PLCB1: variants seen among roughly 807,000 people sequenced by gnomAD.
PLCB1 encodes the protein phospholipase C beta 1.
PLCB1 carries 46 observed loss-of-function variants against 161.8 expected under a neutral mutation model. The ratio of observed to expected loss-of-function variants is 0.28; its 90% confidence interval spans 0.22 to 0.36. The LOEUF (loss-of-function observed/expected upper bound fraction) is 0.36. PLCB1 is among the 10% of genes least tolerant of loss of function. The pLI is 1.00. For synonymous variants in PLCB1, 517 were observed against 503.7 expected (o/e 1.03, Z -0.35); for missense variants, 1,016 against 1,472.5 (o/e 0.69, Z 5.07).
intron 3 of PLCB1, among the ~76,000 whole-genome samples, chr20:8,586,237 C>T (rs1268750388): frequency 6.6e-6 from 1 of 152,124 alleles, no homozygotes; most frequent in African/African-American, 2.4e-5. Flanking sequence ...TTTTATTTTC[C>T]CTGCTTAGAG....
chr20:8,604,551 A>G (rs1367109585), intron 3 of PLCB1, among the ~76,000 whole-genome samples: 1 of 152,160 alleles, frequency 6.6e-6, no homozygotes, highest in East Asian at 1.9e-4. Context: ...TTTCATGGAA[A>G]GTTTCTCATT....
intron 2 of PLCB1, among the ~76,000 whole-genome samples, chr20:8,332,137 A>G (rs1985388378): frequency 6.6e-6 from 1 of 152,198 alleles, no homozygotes; most frequent in Non-Finnish European, 1.5e-5. Context: ...CCCATCTTTC[A>G]TAATGCCTTG....
At chr20:8,449,308 G>A (rs1242385298) in intron 3 of PLCB1, among the ~76,000 whole-genome samples, 3 of 152,102 alleles carry the variant, frequency 2.0e-5, no homozygotes, top group Non-Finnish European at 2.9e-5. Flanking sequence ...AACACTCTTG[G>A]CTACCATAGC....
intron 2 of PLCB1, among the ~76,000 whole-genome samples, chr20:8,224,853 C>T (rs1367218840): frequency 1.3e-5 from 2 of 152,060 alleles, no homozygotes; most frequent in Non-Finnish European, 2.9e-5. Context: ...AGATGAGTTT[C>T]GTCTGGTTTT....
chr20:8,441,805 T>A lies in PLCB1; in HGVS notation c.246+70355T>A, dbSNP rs1980572482. On this transcript the variant is annotated intron_variant, in intron 3 of 31. Coordinates refer to ENST00000338037, the MANE Select transcript of PLCB1 (RefSeq NM_015192.4). ...AAGGATGATCATGAAACTCTTTATATCTGAAAAAAATTTTAAATCCTTTTA... is the reference window on the plus strand; with the variant it reads ...AAGGATGATCATGAAACTCTTTATAACTGAAAAAAATTTTAAATCCTTTTA... Among the ~76,000 whole-genome samples, 4 of 152,130 alleles carry A rather than the reference T, an allele frequency of 2.6e-5. 1 individual carries two copies. In the South Asian group the frequency reaches 6.2e-4, roughly 24 times the overall value.
chr20:8,475,014 CACACACACACACACACACAG>C (rs1982212267), intron 3 of PLCB1, among the ~76,000 whole-genome samples: 1 of 147,486 alleles, frequency 6.8e-6, no homozygotes, highest in South Asian at 2.1e-4. Context: ...CACACAGACA[CACACACACACACACACACAG>C]ACACACACAC....
intron 31 of PLCB1, among the ~76,000 whole-genome samples, chr20:8,804,478 A>C (rs373254960): frequency 2.0e-5 from 3 of 152,196 alleles, no homozygotes; most frequent in East Asian, 1.9e-4. Flanking sequence ...CACACTTTTC[A>C]TGTCAAAATA....
chr20:8,435,696 C>T (rs2122593257), intron 3 of PLCB1, among the ~76,000 whole-genome samples: 1 of 152,286 alleles, frequency 6.6e-6, no homozygotes, highest in South Asian at 2.1e-4. Context: ...ATTCCCCAAT[C>T]AAGCCTCCAG....
chr20:8,275,246 C>CTTGAGTGT (rs1555794519), intron 2 of PLCB1, among the ~76,000 whole-genome samples: 7 of 50,914 alleles, frequency 1.4e-4, no homozygotes, highest in African/African-American at 5.9e-4. Flanking sequence ...TTTGCATCAG[C>CTTGAGTGT]GTGAGTGTGT....
chr20:8,770,247 C>A (rs1211388543), intron 26 of PLCB1, among the ~76,000 whole-genome samples: 1 of 152,204 alleles, frequency 6.6e-6, no homozygotes, highest in Non-Finnish European at 1.5e-5. Flanking sequence ...CCACCACGCC[C>A]AGCCAAAATC....
chr20:8,208,162 T>C (rs955995737), intron 2 of PLCB1, among the ~76,000 whole-genome samples: 6 of 152,106 alleles, frequency 3.9e-5, no homozygotes, highest in Non-Finnish European at 8.8e-5. Context: ...GATTTTTTCT[T>C]TTTCTCTTTT....
At chr20:8,706,948 C>T (rs924905497) in intron 11 of PLCB1, among the ~76,000 whole-genome samples, 1 of 152,144 alleles carries the variant, frequency 6.6e-6, no homozygotes, top group Non-Finnish European at 1.5e-5. Flanking sequence ...TTCCCAAGGT[C>T]ACACAGCTTG....
At chr20:8,312,247 G>A (rs1054727813) in intron 2 of PLCB1, among the ~76,000 whole-genome samples, 1 of 152,054 alleles carries the variant, frequency 6.6e-6, no homozygotes, top group South Asian at 2.1e-4. Flanking sequence ...GCCTCCTCAC[G>A]TCCGCTTCTC....
chr20:8,667,745 G>A (rs1195000398), intron 9 of PLCB1, among the ~76,000 whole-genome samples: 1 of 152,316 alleles, frequency 6.6e-6, no homozygotes, highest in East Asian at 1.9e-4. Context: ...AAGTGAGCTT[G>A]GTAGCCTCAT....
At chr20:8,152,063 A>G (rs1266970952) in intron 2 of PLCB1, among the ~76,000 whole-genome samples, 1 of 152,146 alleles carries the variant, frequency 6.6e-6, no homozygotes, top group Non-Finnish European at 1.5e-5. Flanking sequence ...CTTGGTTGCA[A>G]TGCTGTTTAT....
At chr20:8,725,133 C>G (rs1304366651) in intron 16 of PLCB1, among the ~76,000 whole-genome samples, 1 of 152,146 alleles carries the variant, frequency 6.6e-6, no homozygotes, top group East Asian at 1.9e-4. Context: ...AACTATCTAC[C>G]TGTTTCCCAG....
At chr20:8,747,404 C>G (rs1456469235) in intron 23 of PLCB1, among the ~76,000 whole-genome samples, 5 of 152,184 alleles carry the variant, frequency 3.3e-5, no homozygotes, top group Non-Finnish European at 7.3e-5. Flanking sequence ...TCTTACCCAG[C>G]CCTCAAGGCC....
rs188797546 is a variant in PLCB1 at position 8,864,645 on chromosome 20, A to G, written c.3424-16977A>G. ...ATGAATCAGTGGTATTGGCCATTCA[A>G]TTCAGTATTCCAAGTATTGCAGTAT... is the stretch of plus-strand genomic sequence containing the variant. On this transcript the variant is annotated intron_variant, in intron 31 of 31. Coordinates refer to ENST00000338037, the MANE Select transcript of PLCB1 (RefSeq NM_015192.4). 8.5e-5 allele frequency among the ~76,000 whole-genome samples: 13 copies of G among 152,350 alleles called. No individual in the cohort carries two copies. The East Asian group carries it at 2.3e-3, about 27-fold the overall frequency.
chr20:8,815,885 G>A (rs1600350810), intron 31 of PLCB1, among the ~76,000 whole-genome samples: 1 of 152,096 alleles, frequency 6.6e-6, no homozygotes. Context: ...ATCTAATTAT[G>A]TATAATATGA....
Sources: allele counts gnomAD v4.1 joint callset (sites outside exome capture counted in the v4.1 genomes callset), GRCh38; gene constraint gnomAD v4.1.1; transcripts MANE v1.5; gene names NCBI Gene and HGNC (gene_info 2026-07-23, HGNC 2026-07-21).